Variants in OTOG observed in about 807,000 individuals in gnomAD.
The protein encoded by OTOG is otogelin.
In OTOG, 296 loss-of-function variants were observed where a neutral mutation model predicts 313.8. That is an observed-to-expected ratio of 0.94 (90% CI 0.86 to 1.04). The LOEUF (loss-of-function observed/expected upper bound fraction) is 1.04. OTOG is among the 50% of genes least tolerant of loss of function. OTOG has a pLI of 0.00. For missense variants in OTOG, 3,948 were observed against 3,840.1 expected, an observed-to-expected ratio of 1.03 and a Z score of -0.74; for synonymous variants, 1,533 against 1,554.9, an observed-to-expected ratio of 0.99 and a Z score of 0.33.
intron 39 of OTOG, among the ~76,000 whole-genome samples, chr11:17,626,651 G>T (rs1233865762): frequency 2.0e-5 from 3 of 152,062 alleles, no homozygotes; most frequent in African/African-American, 7.2e-5. Context: ...TTCTATTTCT[G>T]TGAAGAATGT....
At chr11:17,625,810 A>C (rs1853970324) in intron 39 of OTOG, among the ~76,000 whole-genome samples, 1 of 152,082 alleles carries the variant, frequency 6.6e-6, no homozygotes, top group Non-Finnish European at 1.5e-5. Flanking sequence ...ACTTGATGTG[A>C]TCCCATTTGT....
chr11:17,591,688 G>T, intron 25 of OTOG, 100 bp downstream of exon 25: 1 of 1,434,840 alleles, frequency 7.0e-7, no homozygotes, highest in Non-Finnish European at 9.4e-7. Context: ...GGTGATCGGG[G>T]ATCTAAGCCC....
intron 33 of OTOG, among the ~76,000 whole-genome samples, chr11:17,607,248 G>T (rs1225232519): frequency 6.6e-6 from 1 of 152,246 alleles, no homozygotes; most frequent in East Asian, 1.9e-4. Flanking sequence ...CAGTGTTCAG[G>T]TTAGGGCGTC....
intron 28 of OTOG, among the ~76,000 whole-genome samples, chr11:17,595,607 G>T (rs1853076929): frequency 6.6e-6 from 1 of 152,178 alleles, no homozygotes. Context: ...TGCTCACATG[G>T]TTGTTGATTA....
At chr11:17,553,546 C>A in intron 6 of OTOG, 27 bp downstream of exon 6, 4 of 1,414,790 alleles carry the variant, frequency 2.8e-6, no homozygotes, top group Non-Finnish European at 3.7e-6. Context: ...CTTGCCTGTC[C>A]AGGAATGCTT....
intron 28 of OTOG, among the ~76,000 whole-genome samples, chr11:17,595,191 G>C (rs1044758079): frequency 7.9e-5 from 12 of 152,010 alleles, no homozygotes; most frequent in Admixed American, 7.9e-4. Flanking sequence ...GTGGGACAAG[G>C]GTTCCCACAG....
At chr11:17,555,674 T>A in intron 6 of OTOG, 105 bp from the exon 7 acceptor site, 1 of 838,216 alleles carries the variant, frequency 1.2e-6, no homozygotes, top group Non-Finnish European at 1.9e-6. Context: ...GCAGTTGGTA[T>A]GCAGGGGACA....
At chr11:17,557,037 G>T (rs780816821) in intron 7 of OTOG, 81 bp from the exon 8 acceptor site, 13 of 1,362,500 alleles carry the variant, frequency 9.5e-6, no homozygotes, top group Non-Finnish European at 1.3e-5. Context: ...CATGGGGTAG[G>T]GACTGGCTGT....
Position 17,639,474 on chromosome 11 carries a change from G to T in OTOG, c.7935+11G>T. On this transcript the variant is annotated intron_variant, in intron 49 of 55. Coordinates refer to ENST00000399397, the MANE Select transcript of OTOG (RefSeq NM_001292063.2). ...CCCCGGTGCCATCTGGTATGGAGAC[G>T]CTCCTCCCCCAACACTCCCTGGTCT... 1 of 1,550,434 alleles carries T rather than the reference G, an allele frequency of 6.4e-7. No homozygotes were observed. Among genetic ancestry groups the T allele is most frequent in the Non-Finnish European group, 8.7e-7 (1 of 1,146,802 alleles).
chr11:17,645,448 C>A, intron 54 of OTOG, 116 bp from the exon 55 acceptor site: 1 of 932,158 alleles, frequency 1.1e-6, no homozygotes, highest in Non-Finnish European at 1.6e-6. Flanking sequence ...TGCATGGGTG[C>A]TAATGCTGGA....
chr11:17,619,191 G>C (rs898548775), intron 39 of OTOG, among the ~76,000 whole-genome samples: 3 of 152,134 alleles, frequency 2.0e-5, no homozygotes, highest in Non-Finnish European at 4.4e-5. Flanking sequence ...GAATCACCTG[G>C]GCCCAGGAAG....
intron 47 of OTOG, 77 bp from the exon 48 acceptor site, chr11:17,638,374 G>T (rs528266193): frequency 4.2e-4 from 509 of 1,225,068 alleles, no homozygotes; most frequent in Non-Finnish European, 5.3e-4. Context: ...CCTCTCTTTA[G>T]CCAGTGTTGC....
chr11:17,583,923 G>C (rs924566533), intron 23 of OTOG, among the ~76,000 whole-genome samples: 2 of 152,094 alleles, frequency 1.3e-5, no homozygotes, highest in African/African-American at 4.8e-5. Context: ...CTTAACACCA[G>C]TAAGTCCTCC....
Position 17,601,921 on chromosome 11 carries a change from A to G in OTOG, c.3710-289A>G, listed in dbSNP as rs568269740. ...GCAGTGGGAAGGCTGTGGAGAGACAATGGGGGGCCCAGGTGCTCCCTGTGG... is the reference window on the plus strand; with the variant it reads ...GCAGTGGGAAGGCTGTGGAGAGACAGTGGGGGGCCCAGGTGCTCCCTGTGG... On this transcript the variant is annotated intron_variant, in intron 31 of 55. Coordinates refer to ENST00000399397, the MANE Select transcript of OTOG (RefSeq NM_001292063.2). Among the ~76,000 whole-genome samples, 5 of 152,230 alleles carry G rather than the reference A, an allele frequency of 3.3e-5. No homozygotes were observed. In the East Asian group the frequency reaches 9.7e-4, roughly 29 times the overall value.
At chr11:17,624,556 C>T (rs996979624) in intron 39 of OTOG, among the ~76,000 whole-genome samples, 2 of 152,112 alleles carry the variant, frequency 1.3e-5, no homozygotes, top group Non-Finnish European at 2.9e-5. Context: ...GTTACTGTAG[C>T]CGTGAAGTAT....
Position 17,574,729 on chromosome 11 carries a change from G to A in OTOG, c.2303G>A (p.Cys768Tyr). Residue 768 changes from cysteine to tyrosine, a missense_variant, in exon 20 of 56, where the codon TGT becomes TAT. Coordinates refer to ENST00000399397, the MANE Select transcript of OTOG (RefSeq NM_001292063.2). ...TCCCCCCTCACTGCAGCACTGTCCT[G>A]TGAGGCCTCCAAGGAGTATAGCCCC... ...RARLPACALS[C>Y]EASKEYSPCV... 6.4e-7 allele frequency: 1 copy of A among 1,550,546 alleles called. No homozygotes were observed. Among genetic ancestry groups the A allele is most frequent in the Non-Finnish European group, 8.7e-7 (1 of 1,146,932 alleles).
rs746597562 is a variant in OTOG, at chr11:17,612,768, G to T, written c.6438+3G>T. On this transcript the variant is annotated splice_donor_region_variant and intron_variant, in intron 38 of 55. Transcript: ENST00000399397. ...TGGACTGCAAAAGTGCCAACCTGGT[G>T]CCTGCCCCATACCTCCCTCCCTGCT... 4 of 1,550,058 alleles carry T rather than the reference G, an allele frequency of 2.6e-6. No individual in the cohort carries two copies. The highest frequency in any genetic ancestry group is 3.5e-6 in the Non-Finnish European group (4 of 1,146,734).
At chr11:17,611,942 C>A (rs146199752) in intron 36 of OTOG, among the ~76,000 whole-genome samples, 32 of 152,168 alleles carry the variant, frequency 2.1e-4, no homozygotes, top group Admixed American at 2.6e-4. Flanking sequence ...GGCAGATCTG[C>A]AGAGGTCTCA....
chr11:17,642,736 G>A (rs1848001815), intron 53 of OTOG, among the ~76,000 whole-genome samples: 1 of 152,132 alleles, frequency 6.6e-6, no homozygotes, highest in African/African-American at 2.4e-5. Context: ...AGGATTTCCT[G>A]GAAGGCTTGG....
Sources: gnomAD v4.1 joint callset for allele counts (sites outside exome capture counted in the v4.1 genomes callset) on GRCh38, gnomAD v4.1.1 for gene constraint, MANE v1.5 for transcripts, NCBI Gene and HGNC (gene_info 2026-07-23, HGNC 2026-07-21) for gene names.